The following ROBO2 variants were observed in gnomAD, a reference collection of about 807,000 sequenced individuals.
ROBO2 encodes roundabout homolog 2.
In ROBO2, 53 loss-of-function variants were observed where a neutral mutation model predicts 160.8. The ratio of observed to expected loss-of-function variants is 0.33; its 90% CI spans 0.26 to 0.41. ROBO2 has a LOEUF of 0.41. Ranked by LOEUF, ROBO2 falls within the 10% of genes least tolerant of loss-of-function variation. ROBO2 has a pLI of 1.00. For synonymous variants in ROBO2, 664 were observed against 611.7 expected, an observed-to-expected ratio of 1.09 and a Z score of -1.26; for missense variants, 1,577 against 1,722.4, an observed-to-expected ratio of 0.92 and a Z score of 1.49.
At chr3:76,486,370 C>T (rs1263317018) in intron 2 of ROBO2, among the ~76,000 whole-genome samples, 2 of 152,038 alleles carry the variant, frequency 1.3e-5, no homozygotes, top group Non-Finnish European at 2.9e-5. Flanking sequence ...GGCTAATGCT[C>T]GGTGGTTACG....
intron 5 of ROBO2, among the ~76,000 whole-genome samples, chr3:77,501,188 C>T (rs1277369754): frequency 6.6e-6 from 1 of 152,116 alleles, no homozygotes; most frequent in Non-Finnish European, 1.5e-5. Flanking sequence ...ATAGGACAAG[C>T]CAGAGGCTTA....
Position 76,008,318 on chromosome 3 carries a change from T to G in ROBO2, c.109+70716T>G, listed in dbSNP as rs569414023. Among the ~76,000 whole-genome samples the G allele has an allele frequency of 8.6e-5, 13 of 151,802 alleles. No homozygotes were observed. The South Asian group carries it at 2.7e-3, about 32-fold the overall frequency. On this transcript the variant is annotated intron_variant, in intron 2 of 26. Coordinates refer to the ROBO2 transcript ENST00000487694. ...TGTTAGTAATTTCTATTTGTGCTGG[T>G]CTAATTTGTGCTTTTCTTTTTAATA...
intron 1 of ROBO2, among the ~76,000 whole-genome samples, chr3:75,920,400 G>T (rs1946984674): frequency 6.6e-6 from 1 of 152,140 alleles, no homozygotes; most frequent in African/African-American, 2.4e-5. Flanking sequence ...GAGATTGTTT[G>T]TTATGATTTT....
chr3:77,024,846 A>G (rs970681912), intron 2 of ROBO2, among the ~76,000 whole-genome samples: 2 of 152,132 alleles, frequency 1.3e-5, no homozygotes, highest in Non-Finnish European at 2.9e-5. Context: ...TTAATTCCAT[A>G]TTGGAGGGGG....
intron 2 of ROBO2, among the ~76,000 whole-genome samples, chr3:77,432,439 C>A (rs939978464): frequency 6.6e-6 from 1 of 152,120 alleles, no homozygotes; most frequent in Non-Finnish European, 1.5e-5. Flanking sequence ...TACCTCCACA[C>A]CAGTCTACAA....
chr3:76,007,457 T>G (rs976471310), intron 2 of ROBO2, among the ~76,000 whole-genome samples: 4 of 152,150 alleles, frequency 2.6e-5, no homozygotes, highest in Non-Finnish European at 5.9e-5. Flanking sequence ...TAAAAATAAC[T>G]GCTTATCGAA....
Position 77,072,709 on chromosome 3 carries a change from A to G in ROBO2, c.62-25305A>G, listed in dbSNP as rs1364447646. On this transcript the variant is annotated intron_variant, in intron 1 of 25. Coordinates refer to ENST00000461745, the Ensembl canonical transcript of ROBO2. ...GTCTCTGTTTTGTTTGCAAGTATAT[A>G]CCCAGTGCTGAGCAGGTAGTAGGTG... 3.3e-5 allele frequency among the ~76,000 whole-genome samples: 5 copies of G among 152,308 alleles called. No individual in the cohort carries two copies. In the East Asian group the frequency reaches 9.6e-4, roughly 29 times the overall value.
intron 2 of ROBO2, among the ~76,000 whole-genome samples, chr3:76,344,316 A>G (rs1487237694): frequency 1.3e-5 from 2 of 152,146 alleles, no homozygotes; most frequent in African/African-American, 2.4e-5. Flanking sequence ...CAACTATACA[A>G]AAGTGTGATA....
At chr3:76,406,911 A>G (rs2075216923) in intron 2 of ROBO2, among the ~76,000 whole-genome samples, 1 of 151,496 alleles carries the variant, frequency 6.6e-6, no homozygotes, top group African/African-American at 2.4e-5. Context: ...AAATCATCCA[A>G]TGGATTTTCA....
chr3:76,439,801 T>C (rs957718518), intron 2 of ROBO2, among the ~76,000 whole-genome samples: 7 of 152,096 alleles, frequency 4.6e-5, no homozygotes, highest in Admixed American at 1.3e-4. Context: ...TGCTAAGTAT[T>C]AGAATTTCCT....
At chr3:76,873,219 A>G (rs905253198) in intron 2 of ROBO2, among the ~76,000 whole-genome samples, 46 of 152,278 alleles carry the variant, frequency 3.0e-4, no homozygotes, top group African/African-American at 1.1e-3. Context: ...GGCAAAGTTC[A>G]TGTGCTCTAG....
At position 77,010,357 on chromosome 3, in the gene ROBO2, G is replaced by A. The variant is rs191084160; in HGVS notation, c.110-87657G>A. On this transcript the variant is annotated intron_variant, in intron 2 of 26. Coordinates refer to the ROBO2 transcript ENST00000487694. ...CTGCTTTCTGCTTCTCCTCCTGAAG[G>A]AAGAGTAATCAATTTAGAAAACACA... is the stretch of plus-strand genomic sequence containing the variant. Among the ~76,000 whole-genome samples, 524 of 152,186 alleles carry A rather than the reference G, an allele frequency of 3.4e-3. 2 individuals are homozygous for A. Among genetic ancestry groups the A allele is most frequent in the African/African-American group, 0.012 (503 of 41,506 alleles).
intron 2 of ROBO2, among the ~76,000 whole-genome samples, chr3:76,205,508 G>A (rs766419803): frequency 4.6e-5 from 7 of 152,232 alleles, no homozygotes; most frequent in South Asian, 2.1e-4. Flanking sequence ...GTTACAGCTC[G>A]TCTGTATAGA....
intron 17 of ROBO2, 93 bp downstream of exon 18, chr3:77,589,026 T>A (rs1559676336): frequency 1.4e-6 from 2 of 1,465,924 alleles, no homozygotes; most frequent in African/African-American, 2.8e-5. Flanking sequence ...AATGAGTGAT[T>A]TGGGCTTATT....
chr3:76,947,450 T>C (rs1318180889), intron 2 of ROBO2, among the ~76,000 whole-genome samples: 3 of 152,162 alleles, frequency 2.0e-5, no homozygotes, highest in Non-Finnish European at 4.4e-5. Flanking sequence ...AAAATATAAA[T>C]GTTTCAGTAC....
In ROBO2 at chr3:77,602,241, T is replaced by C. The variant is rs2094443558; in HGVS notation, c.2886T>C (p.Asp962=). The C allele has an allele frequency of 2.5e-6, 4 of 1,614,154 alleles. No homozygotes were observed. In the East Asian group the frequency reaches 8.9e-5, roughly 36 times the overall value. The stretch of plus-strand genomic sequence containing the variant: ...TGCCACCAGTTCCAGGCCAAGGGGA[T>C]AAAACAGCAACGATGCTCTCAGATG... The change falls in exon 20 of 26, where the codon GAT becomes GAC. Residue 962 remains aspartate (D), a synonymous_variant. Coordinates refer to ENST00000461745, the Ensembl canonical transcript of ROBO2.
At chr3:76,568,794 G>T (rs1001720920) in intron 2 of ROBO2, among the ~76,000 whole-genome samples, 3 of 151,884 alleles carry the variant, frequency 2.0e-5, no homozygotes, top group African/African-American at 7.3e-5. Flanking sequence ...TTTTCTCTTT[G>T]ATTTGTCACC....
intron 2 of ROBO2, among the ~76,000 whole-genome samples, chr3:76,793,358 G>T (rs1322242263): frequency 6.6e-6 from 1 of 151,774 alleles, no homozygotes; most frequent in Non-Finnish European, 1.5e-5. Context: ...GATCCACATT[G>T]CTAATAGGGG....
At chr3:76,179,800 C>T (rs1042059414) in intron 2 of ROBO2, among the ~76,000 whole-genome samples, 3 of 152,104 alleles carry the variant, frequency 2.0e-5, no homozygotes, top group Non-Finnish European at 4.4e-5. Flanking sequence ...CTATATTATA[C>T]TTACACACTG....
Sources: gnomAD v4.1 joint callset for allele counts (sites outside exome capture counted in the v4.1 genomes callset) on GRCh38, gnomAD v4.1.1 for gene constraint, MANE v1.5 for transcripts, NCBI Gene and HGNC (gene_info 2026-07-23, HGNC 2026-07-21) for gene names.